PTPRN2: variants seen among roughly 807,000 people sequenced by gnomAD.
PTPRN2 encodes the protein protein tyrosine phosphatase receptor type N2.
Under a neutral mutation model 118.8 loss-of-function variants are expected in PTPRN2, and 74 were observed. The ratio of observed to expected loss-of-function variants is 0.62; its 90% CI spans 0.52 to 0.76. PTPRN2 has a LOEUF of 0.76. PTPRN2 is among the 30% of genes least tolerant of loss of function. PTPRN2 has a pLI of 0.00. For synonymous variants in PTPRN2, 641 were observed against 608.0 expected (o/e 1.05, Z -0.80); for missense variants, 1,481 against 1,394.4 (o/e 1.06, Z -0.99).
At chr7:157,838,082 C>G (rs1027387641) in intron 12 of PTPRN2, among the ~76,000 whole-genome samples, 1 of 138,018 alleles carries the variant, frequency 7.2e-6, no homozygotes, top group South Asian at 2.4e-4. Context: ...GTGGATGGTA[C>G]GGGAGAAAGC....
intron 10 of PTPRN2, among the ~76,000 whole-genome samples, chr7:158,085,116 T>A (rs371303682): frequency 0.025 from 1,548 of 60,780 alleles, 18 homozygotes; most frequent in Non-Finnish European, 0.041. Flanking sequence ...TCCACACCCA[T>A]GACGCCCATC....
Position 157,944,022 on chromosome 7 carries a change from G to T in PTPRN2, c.1724-45285C>A, listed in dbSNP as rs921448065. Reference sequence around the variant, plus strand: ...CTGCCACTTTTCTCCACGTTGTAAGGGTTTTAAACCAATGTTTCTAAGGGA... The same window carrying T: ...CTGCCACTTTTCTCCACGTTGTAAGTGTTTTAAACCAATGTTTCTAAGGGA... On this transcript the variant is annotated intron_variant, in intron 11 of 22. Coordinates refer to ENST00000389418, the MANE Select transcript of PTPRN2 (RefSeq NM_002847.5). This position sits in a 1 kb window ranked among gnomAD's most constrained non-coding sequence, Gnocchi z 4.3. Among the ~76,000 whole-genome samples the T allele has an allele frequency of 6.6e-6, 1 of 152,104 alleles. No homozygotes were observed. Among genetic ancestry groups the T allele is most frequent in the Non-Finnish European group, 1.5e-5 (1 of 68,040 alleles).
At chr7:158,037,099 A>C (rs1291907273) in intron 11 of PTPRN2, among the ~76,000 whole-genome samples, 1 of 152,238 alleles carries the variant, frequency 6.6e-6, no homozygotes, top group African/African-American at 2.4e-5. Flanking sequence ...CCAATTATAT[A>C]ATATCTTGAA....
At chr7:158,146,447 C>T (rs562363292) in intron 6 of PTPRN2, among the ~76,000 whole-genome samples, 1 of 152,062 alleles carries the variant, frequency 6.6e-6, no homozygotes, top group African/African-American at 2.4e-5. Flanking sequence ...ATAGGCTGGG[C>T]TTGGTGGCTC....
At chr7:157,775,712 G>C (rs938474749) in intron 12 of PTPRN2, among the ~76,000 whole-genome samples, 1 of 152,144 alleles carries the variant, frequency 6.6e-6, no homozygotes, top group South Asian at 2.1e-4. Flanking sequence ...GAAGCTCCAC[G>C]CCCTGGGGTA....
chr7:158,490,129 G>T (rs1171103905), intron 1 of PTPRN2, among the ~76,000 whole-genome samples: 1 of 152,144 alleles, frequency 6.6e-6, no homozygotes, highest in African/African-American at 2.4e-5. Flanking sequence ...CCCTGGGCCC[G>T]GCGCCTCCCC....
intron 3 of PTPRN2, among the ~76,000 whole-genome samples, chr7:158,264,560 G>A (rs1797748057): frequency 1.3e-5 from 2 of 152,158 alleles, no homozygotes; most frequent in Admixed American, 6.5e-5. Context: ...GTGGCAGCAG[G>A]TGACAGTGGG....
At chr7:158,489,172 G>A (rs1002838054) in intron 2 of PTPRN2, among the ~76,000 whole-genome samples, 17 of 152,378 alleles carry the variant, frequency 1.1e-4, no homozygotes, top group African/African-American at 3.6e-4. Context: ...CTGGCCGGGC[G>A]CGGTGACTCA....
intron 6 of PTPRN2, among the ~76,000 whole-genome samples, chr7:158,146,050 T>A (rs1819944825): frequency 1.7e-5 from 2 of 118,474 alleles, no homozygotes; most frequent in Non-Finnish European, 3.8e-5. Flanking sequence ...ATCATTTTAG[T>A]TTTCCACTCT....
At chr7:158,331,464 G>A (rs1445427320) in intron 2 of PTPRN2, among the ~76,000 whole-genome samples, 5 of 146,982 alleles carry the variant, frequency 3.4e-5, no homozygotes, top group South Asian at 4.3e-4. Context: ...GCTGACACCC[G>A]CAGACGTCAC....
At chr7:158,009,449 C>T (rs565823855) in intron 11 of PTPRN2, among the ~76,000 whole-genome samples, 1 of 152,088 alleles carries the variant, frequency 6.6e-6, no homozygotes, top group African/African-American at 2.4e-5. Flanking sequence ...TCAGCATGTA[C>T]AAGCAGAACC....
chr7:157,860,307 T>A (rs777313187), intron 12 of PTPRN2, among the ~76,000 whole-genome samples: 3 of 152,064 alleles, frequency 2.0e-5, no homozygotes, highest in Non-Finnish European at 4.4e-5. Context: ...AAGCCAAGAC[T>A]CTCTCTAGGG....
chr7:158,339,806 C>A (rs1586370541), intron 2 of PTPRN2, among the ~76,000 whole-genome samples: 2 of 95,766 alleles, frequency 2.1e-5, no homozygotes, highest in African/African-American at 3.9e-5. Context: ...GAAGTGACAC[C>A]TGCAAATGTC....
chr7:157,983,439 A>C, intron 11 of PTPRN2, among the ~76,000 whole-genome samples: 1 of 152,264 alleles, frequency 6.6e-6, no homozygotes, highest in Non-Finnish European at 1.5e-5. Flanking sequence ...GAGGAGGGGA[A>C]TGCAGAGTGC....
chr7:157,902,149 G>A (rs1414883065), intron 11 of PTPRN2, among the ~76,000 whole-genome samples: 1 of 152,270 alleles, frequency 6.6e-6, no homozygotes, highest in African/African-American at 2.4e-5. Context: ...GGGAGGGAAT[G>A]AGTCCTTGTT....
rs576657964 is a variant in PTPRN2, at chr7:158,060,944, C to T, written c.1723+20354G>A. 2.6e-4 allele frequency among the ~76,000 whole-genome samples: 39 copies of T among 152,344 alleles called. No homozygotes were observed. In the South Asian group the frequency reaches 5.4e-3, roughly 21 times the overall value. On this transcript the variant is annotated intron_variant, in intron 11 of 22. Coordinates refer to ENST00000389418, the MANE Select transcript of PTPRN2 (RefSeq NM_002847.5). ...GCTTGTATCAAGGCTGAGCTTTCAG[C>T]GCAGTATTTATGAGCTGCATTTCTT...
chr7:158,583,081 C>T (rs1370356508), intron 1 of PTPRN2, among the ~76,000 whole-genome samples: 1 of 152,218 alleles, frequency 6.6e-6, no homozygotes, highest in African/African-American at 2.4e-5. Context: ...TGAGGCTTCA[C>T]TCCCCTTCCT....
At chr7:158,359,745 G>A (rs1487418067) in intron 2 of PTPRN2, among the ~76,000 whole-genome samples, 1 of 152,182 alleles carries the variant, frequency 6.6e-6, no homozygotes, top group Non-Finnish European at 1.5e-5. Flanking sequence ...AACGGATAAT[G>A]AAAGCAATTT....
intron 11 of PTPRN2, among the ~76,000 whole-genome samples, chr7:158,052,120 T>G (rs1809369223): frequency 6.6e-6 from 1 of 152,154 alleles, no homozygotes; most frequent in South Asian, 2.1e-4. Context: ...TGCACTAAAG[T>G]CAAGACTGTT....
Sources: gnomAD v4.1 joint callset for allele counts (sites outside exome capture counted in the v4.1 genomes callset) on GRCh38, gnomAD v4.1.1 for gene constraint, Gnocchi (gnomAD v3.1) non-coding constraint, MANE v1.5 for transcripts, NCBI Gene and HGNC (gene_info 2026-07-23, HGNC 2026-07-21) for gene names.